The following WWOX variants were observed in gnomAD, a reference collection of about 807,000 sequenced individuals.
The protein encoded by WWOX is WW domain containing oxidoreductase, also known as WW domain-containing oxidoreductase.
Under a neutral mutation model 46.2 loss-of-function variants are expected in WWOX, and 69 were observed. The ratio of observed to expected loss-of-function variants is 1.49; its 90% CI spans 1.23 to 1.82. The LOEUF (loss-of-function observed/expected upper bound fraction) is 1.82, where lower values mean the gene tolerates loss of function less well. Ranked by LOEUF, WWOX falls within the 40% of genes most tolerant of loss-of-function variation. The pLI is 0.00. For missense variants in WWOX, 919 were observed against 542.6 expected, an observed-to-expected ratio of 1.69 and a Z score of -6.89; for synonymous variants, 359 against 202.6, an observed-to-expected ratio of 1.77 and a Z score of -6.56.
intron 8 of WWOX, among the ~76,000 whole-genome samples, chr16:78,460,398 C>A (rs559730475): frequency 6.6e-6 from 1 of 152,306 alleles, no homozygotes; most frequent in East Asian, 1.9e-4. Flanking sequence ...TATAGGTACC[C>A]CGCCTGGCTG....
At chr16:78,289,840 GT>G (rs1013856281) in intron 5 of WWOX, among the ~76,000 whole-genome samples, 3 of 151,416 alleles carry the variant, frequency 2.0e-5, no homozygotes, top group Non-Finnish European at 4.4e-5. Flanking sequence ...CTTGATAGGT[GT>G]TTTTGTAAAG....
At chr16:78,909,891 G>A (rs537790673) in intron 8 of WWOX, among the ~76,000 whole-genome samples, 3 of 152,140 alleles carry the variant, frequency 2.0e-5, no homozygotes, top group Admixed American at 6.5e-5. Flanking sequence ...TTAGGCATCC[G>A]TTTAGCAAAA....
chr16:79,212,461 A>C lies in WWOX; in HGVS notation c.*665A>C, dbSNP rs1406924648. 3 of 246,304 alleles carry C rather than the reference A, an allele frequency of 1.2e-5. No homozygotes were observed. The highest frequency in any genetic ancestry group is 9.8e-5 in the Admixed American group (2 of 20,360). The allele number at this position is 246,304 out of a possible 1,614,324, so 15.3% of individuals were successfully genotyped here. On this transcript the variant is annotated 3_prime_UTR_variant, in exon 9 of 9. Coordinates refer to ENST00000566780, the MANE Select transcript of WWOX (RefSeq NM_016373.4). ...CTTTAGAGATTATAACAAATTTTTCAAATCATTCCTTAGATACCTTGAAAG... is the reference window on the plus strand; with the variant it reads ...CTTTAGAGATTATAACAAATTTTTCCAATCATTCCTTAGATACCTTGAAAG...
chr16:78,953,428 C>G (rs1383750410), intron 8 of WWOX, among the ~76,000 whole-genome samples: 1 of 152,034 alleles, frequency 6.6e-6, no homozygotes, highest in Non-Finnish European at 1.5e-5. Context: ...AAATTTGAAA[C>G]CTGTTCATCA....
chr16:78,615,809 G>A (rs1167266829), intron 8 of WWOX, among the ~76,000 whole-genome samples: 2 of 150,780 alleles, frequency 1.3e-5, no homozygotes, highest in African/African-American at 2.4e-5. Context: ...GGAGTGCAGT[G>A]GCACAGTCTC....
At chr16:79,197,526 T>G (rs570297520) in intron 8 of WWOX, among the ~76,000 whole-genome samples, 1 of 152,046 alleles carries the variant, frequency 6.6e-6, no homozygotes, top group Non-Finnish European at 1.5e-5. Context: ...TCACCAACCC[T>G]GCTTTTTGTA....
At chr16:78,148,622 G>A (rs944853337) in intron 4 of WWOX, among the ~76,000 whole-genome samples, 2 of 151,990 alleles carry the variant, frequency 1.3e-5, no homozygotes, top group African/African-American at 4.8e-5. Context: ...TGTTGGCTGG[G>A]CAGAGTGGCT....
intron 8 of WWOX, among the ~76,000 whole-genome samples, chr16:78,662,729 G>C (rs1407921358): frequency 1.3e-5 from 2 of 152,202 alleles, no homozygotes; most frequent in South Asian, 4.1e-4. Flanking sequence ...GTCATTGACT[G>C]GGGCTGGATT....
At chr16:79,209,786 T>C (rs991071417) in intron 8 of WWOX, among the ~76,000 whole-genome samples, 1 of 152,216 alleles carries the variant, frequency 6.6e-6, no homozygotes, top group Non-Finnish European at 1.5e-5. Flanking sequence ...CCACATGGGA[T>C]GCAGAAGAGC....
At chr16:78,324,074 G>A (rs1020451498) in intron 5 of WWOX, among the ~76,000 whole-genome samples, 2 of 152,060 alleles carry the variant, frequency 1.3e-5, no homozygotes, top group Admixed American at 1.3e-4. Context: ...TAAGTGACTT[G>A]TTCAAGGCTA....
At chr16:78,426,823 C>G (rs2083090522) in intron 7 of WWOX, among the ~76,000 whole-genome samples, 1 of 152,140 alleles carries the variant, frequency 6.6e-6, no homozygotes, top group South Asian at 2.1e-4. Context: ...GCCACCACAC[C>G]TGGCTAATTT....
intron 8 of WWOX, among the ~76,000 whole-genome samples, chr16:79,156,945 G>T (rs1042976192): frequency 6.6e-6 from 1 of 152,232 alleles, no homozygotes; most frequent in Non-Finnish European, 1.5e-5. Context: ...ATTATCATCA[G>T]AAGAATGAGG....
intron 6 of WWOX, among the ~76,000 whole-genome samples, chr16:78,415,194 G>C (rs912689673): frequency 3.3e-5 from 5 of 151,888 alleles, no homozygotes. Flanking sequence ...CCGGAAGTGA[G>C]GGTTCTTCCC....
chr16:78,498,807 C>T (rs1015570686), intron 8 of WWOX, among the ~76,000 whole-genome samples: 4 of 152,188 alleles, frequency 2.6e-5, no homozygotes, highest in Admixed American at 2.6e-4. Flanking sequence ...TTCAAGTAGT[C>T]TTCCTGCCTT....
chr16:78,578,254 T>TTATATATATATACATATA (rs2044942294), intron 8 of WWOX, among the ~76,000 whole-genome samples: 2 of 31,630 alleles, frequency 6.3e-5, no homozygotes, highest in Non-Finnish European at 1.2e-4. Context: ...ATACCAAATT[T>TTATATATATATACATATA]TATATATATA....
chr16:78,103,209 C>A (rs1462410537), intron 1 of WWOX, among the ~76,000 whole-genome samples: 1 of 149,622 alleles, frequency 6.7e-6, no homozygotes. Context: ...CGACTAGTGT[C>A]TTAAATCTCA....
chr16:78,706,360 C>T (rs1003801825), intron 8 of WWOX, among the ~76,000 whole-genome samples: 1 of 152,114 alleles, frequency 6.6e-6, no homozygotes, highest in African/African-American at 2.4e-5. Flanking sequence ...TCTTCTCTCT[C>T]TGCTGTTAAA....
intron 8 of WWOX, among the ~76,000 whole-genome samples, chr16:78,874,404 T>A (rs2044191689): frequency 6.6e-6 from 1 of 152,132 alleles, no homozygotes; most frequent in South Asian, 2.1e-4. Flanking sequence ...TTGCTAAAGC[T>A]GTCAAGTCCC....
At chr16:78,143,871 A>G (rs186837773) in intron 4 of WWOX, among the ~76,000 whole-genome samples, 20 of 150,274 alleles carry the variant, frequency 1.3e-4, no homozygotes, top group African/African-American at 4.9e-4. Context: ...TAAAATGTTT[A>G]AGTAACCAGC....
Sources: allele counts gnomAD v4.1 joint callset (sites outside exome capture counted in the v4.1 genomes callset), GRCh38; gene constraint gnomAD v4.1.1; transcripts MANE v1.5; gene names NCBI Gene and HGNC (gene_info 2026-07-23, HGNC 2026-07-21).